The following RASGEF1A variants were observed in gnomAD, a reference collection of about 807,000 sequenced individuals.
RASGEF1A encodes ras-GEF domain-containing family member 1A.
Under a neutral mutation model 56.4 loss-of-function variants are expected in RASGEF1A, and 18 were observed. The ratio of observed to expected loss-of-function variants is 0.32; its 90% CI spans 0.22 to 0.47. The LOEUF (loss-of-function observed/expected upper bound fraction) is 0.47, where lower values mean the gene tolerates loss of function less well. RASGEF1A is among the 20% of genes least tolerant of loss of function. The pLI, the probability that RASGEF1A is intolerant of heterozygous loss-of-function variation, is 1.00. For missense variants in RASGEF1A, 422 were observed against 627.1 expected, an observed-to-expected ratio of 0.67 and a Z score of 3.49; for synonymous variants, 245 against 242.6, an observed-to-expected ratio of 1.01 and a Z score of -0.09.
chr10:43,229,596 C>A (rs756040985), intron 1 of RASGEF1A: 2 of 1,459,606 alleles, frequency 1.4e-6, no homozygotes, highest in South Asian at 2.5e-5. Flanking sequence ...GCGCAAGAAC[C>A]CTGCCCCGCG....
Position 43,252,863 on chromosome 10 carries a change from G to A in RASGEF1A, c.-7+13982C>T, listed in dbSNP as rs537531559. Among the ~76,000 whole-genome samples the A allele has an allele frequency of 7.9e-5, 12 of 151,942 alleles. No individual in the cohort carries two copies. In the East Asian group the frequency reaches 9.7e-4, roughly 12 times the overall value. On this transcript the variant is annotated intron_variant, in intron 1 of 12. Transcript: ENST00000395810. The stretch of plus-strand genomic sequence containing the variant: ...GACCCTGTGCCTCCTGCTCACCCTC[G>A]ACACAGACCCACTGGGACTAACCGC...
chr10:43,199,295 T>C, intron 7 of RASGEF1A, 101 bp from the exon 8 acceptor site: 1 of 893,284 alleles, frequency 1.1e-6, no homozygotes, highest in South Asian at 1.4e-5. Flanking sequence ...CCTCGGGACT[T>C]AGCTTCTGGC....
intron 1 of RASGEF1A, among the ~76,000 whole-genome samples, chr10:43,235,812 G>A (rs1034445874): frequency 6.6e-6 from 1 of 152,132 alleles, no homozygotes; most frequent in East Asian, 1.9e-4. Flanking sequence ...ATCATGCCCA[G>A]CACAATGGGA....
chr10:43,215,581 A>T (rs1840125836), intron 1 of RASGEF1A, among the ~76,000 whole-genome samples: 1 of 152,184 alleles, frequency 6.6e-6, no homozygotes, highest in African/African-American at 2.4e-5. Context: ...TTCAAGGGAT[A>T]ACCGGCCAGT....
Position 43,201,719 on chromosome 10 carries a change from T to C in RASGEF1A, c.459+89A>G, listed in dbSNP as rs534163814. ...GGGAGTAACATGGAAGGGGACCACATACAGAGTTGTCCCCGAAGCCCCCAC... is the reference window on the plus strand; with the variant it reads ...GGGAGTAACATGGAAGGGGACCACACACAGAGTTGTCCCCGAAGCCCCCAC... On this transcript the variant is annotated intron_variant, in intron 4 of 12. Transcript: ENST00000395810. 5 of 1,330,030 alleles carry C rather than the reference T, an allele frequency of 3.8e-6. No homozygotes were observed. In the African/African-American group the frequency reaches 4.4e-5, roughly 12 times the overall value. 82.4% of individuals were successfully genotyped at this position (1,330,030 alleles called of 1,614,324 possible).
chr10:43,220,675 C>T (rs1051846460), intron 1 of RASGEF1A, among the ~76,000 whole-genome samples: 1 of 152,120 alleles, frequency 6.6e-6, no homozygotes. Flanking sequence ...ATCTCAGCTA[C>T]TCCAGAGGCT....
intron 1 of RASGEF1A, among the ~76,000 whole-genome samples, chr10:43,221,963 G>A (rs118094160): frequency 2.6e-5 from 4 of 152,348 alleles, no homozygotes; most frequent in Middle Eastern, 3.4e-3. Flanking sequence ...ACAGTCATGC[G>A]TCCATTCGCG....
chr10:43,238,089 TG>T (rs1840454767), intron 1 of RASGEF1A, among the ~76,000 whole-genome samples: 1 of 20,740 alleles, frequency 4.8e-5, no homozygotes, highest in African/African-American at 1.7e-4. Context: ...GACCCGCCTT[TG>T]GGGGGCGGAG....
Position 43,196,915 on chromosome 10 carries a change from C to A in RASGEF1A, c.1348+61G>T. The A allele has an allele frequency of 1.3e-6, 2 of 1,592,388 alleles. No homozygotes were observed. The highest frequency in any genetic ancestry group is 1.1e-5 in the South Asian group (1 of 87,898). ...CTCCCAGGGCAACCCCAAAGAGCAC[C>A]GGGCCTGGACAAGGAGTCAGGTGGG... On this transcript the variant is annotated intron_variant, in intron 11 of 12. Transcript: ENST00000395810. The surrounding 1 kb of genome is among the most constrained non-coding windows in gnomAD (Gnocchi z 4.6).
In RASGEF1A at chr10:43,229,165, C is replaced by G. The variant is rs188611460; in HGVS notation, c.-6-23043G>C. 5.0e-3 allele frequency among the ~76,000 whole-genome samples: 764 copies of G among 152,342 alleles called. 14 individuals are homozygous for G. Among genetic ancestry groups the G allele is most frequent in the African/African-American group, 0.017 (704 of 41,584 alleles). On this transcript the variant is annotated intron_variant, in intron 1 of 12. Coordinates refer to ENST00000395810, the MANE Select transcript of RASGEF1A (RefSeq NM_145313.4). Reference sequence around the variant, plus strand: ...GCTCCACTCTCCCTAAACGCACAGGCGCGCGTGGGGCTCACAAGGCACAGG... The same window carrying G: ...GCTCCACTCTCCCTAAACGCACAGGGGCGCGTGGGGCTCACAAGGCACAGG...
intron 1 of RASGEF1A, among the ~76,000 whole-genome samples, chr10:43,216,971 C>T (rs1290470799): frequency 6.6e-6 from 1 of 152,182 alleles, no homozygotes; most frequent in African/African-American, 2.4e-5. Context: ...ACACCCTTCC[C>T]CATCTTCTGA....
chr10:43,206,470 T>G (rs868041656), intron 1 of RASGEF1A, among the ~76,000 whole-genome samples: 13 of 152,198 alleles, frequency 8.5e-5, no homozygotes, highest in Non-Finnish European at 1.5e-4. Flanking sequence ...GTGAGAGGGC[T>G]GTGAACAACT....
At chr10:43,210,228 T>G (rs1195128838) in intron 1 of RASGEF1A, among the ~76,000 whole-genome samples, 5 of 152,034 alleles carry the variant, frequency 3.3e-5, no homozygotes, top group African/African-American at 9.7e-5. Context: ...TCCCAGCACT[T>G]TGAGAGGCCG....
intron 1 of RASGEF1A, among the ~76,000 whole-genome samples, chr10:43,255,875 C>T (rs550360431): frequency 3.2e-4 from 48 of 152,310 alleles, no homozygotes; most frequent in African/African-American, 1.1e-3. Flanking sequence ...TGCCCACTGG[C>T]ACCCCACTCC....
chr10:43,243,078 A>C (rs1258998274), intron 1 of RASGEF1A, among the ~76,000 whole-genome samples: 1 of 120,102 alleles, frequency 8.3e-6, no homozygotes. Context: ...CCCCATCTAG[A>C]AAGTGAGGAG....
intron 1 of RASGEF1A, among the ~76,000 whole-genome samples, chr10:43,247,640 C>CA (rs35312285): frequency 0.28 from 43,150 of 152,054 alleles, 6,934 homozygotes; most frequent in Non-Finnish European, 0.36. Flanking sequence ...GGAAATCTGA[C>CA]AAAAAAGGCC....
rs143055511 is a variant in RASGEF1A, at chr10:43,231,062, C to T, written c.-6-24940G>A. Among the ~76,000 whole-genome samples the T allele has an allele frequency of 9.8e-5, 15 of 152,352 alleles. No individual in the cohort carries two copies. The East Asian group carries it at 2.7e-3, about 27-fold the overall frequency. ...CTATACATTACTGCGTGGTATGCAGCGCCTGTGGGTGGGCAGTGCGGGGAG... is the reference window on the plus strand; with the variant it reads ...CTATACATTACTGCGTGGTATGCAGTGCCTGTGGGTGGGCAGTGCGGGGAG... On this transcript the variant is annotated intron_variant, in intron 1 of 12. Coordinates refer to ENST00000395810, the MANE Select transcript of RASGEF1A (RefSeq NM_145313.4).
intron 1 of RASGEF1A, among the ~76,000 whole-genome samples, chr10:43,265,920 A>T (rs2133235029): frequency 6.6e-6 from 1 of 152,336 alleles, no homozygotes. Flanking sequence ...GCCGACGGCC[A>T]TCGGGGCCCT....
At chr10:43,244,807 A>C (rs1274448146) in intron 1 of RASGEF1A, among the ~76,000 whole-genome samples, 1 of 152,130 alleles carries the variant, frequency 6.6e-6, no homozygotes, top group Non-Finnish European at 1.5e-5. Context: ...AATACAGCAA[A>C]AGCAGTGCTG....
Sources: gnomAD v4.1 joint callset for allele counts (sites outside exome capture counted in the v4.1 genomes callset) on GRCh38, gnomAD v4.1.1 for gene constraint, Gnocchi (gnomAD v3.1) non-coding constraint, MANE v1.5 for transcripts, NCBI Gene and HGNC (gene_info 2026-07-23, HGNC 2026-07-21) for gene names.